The following PPARGC1A variants were observed in gnomAD, a reference collection of about 807,000 sequenced individuals.
PPARGC1A encodes the protein PPARG coactivator 1 alpha.
In PPARGC1A, 25 loss-of-function variants were observed where a neutral mutation model predicts 88.7. The observed-to-expected ratio is 0.28, with a 90% CI of 0.21 to 0.39. The LOEUF (loss-of-function observed/expected upper bound fraction) is 0.39, where lower values mean the gene tolerates loss of function less well. PPARGC1A is among the 10% of genes least tolerant of loss of function. PPARGC1A has a pLI of 1.00. For synonymous variants in PPARGC1A, 363 were observed against 355.6 expected (o/e 1.02, Z -0.24); for missense variants, 880 against 968.7 (o/e 0.91, Z 1.22).
At chr4:24,245,934 C>T in the PPARGC1A span, among the ~76,000 whole-genome samples, 40 of 106,096 alleles carry the variant, frequency 3.8e-4, no homozygotes, top group South Asian at 1.3e-3. Flanking sequence ...TGCACACACA[C>T]ACACACACAC....
chr4:24,263,571 C>G, the PPARGC1A span, among the ~76,000 whole-genome samples: 7 of 151,992 alleles, frequency 4.6e-5, no homozygotes, highest in Non-Finnish European at 1.0e-4. Flanking sequence ...ACCAAGTGTG[C>G]CCGTCTCTCC....
the PPARGC1A span, among the ~76,000 whole-genome samples, chr4:24,320,747 C>G: frequency 6.6e-6 from 1 of 152,082 alleles, no homozygotes; most frequent in African/African-American, 2.4e-5. Flanking sequence ...AAACACCACT[C>G]CTAGGAGACC....
At chr4:24,296,480 C>T in the PPARGC1A span, among the ~76,000 whole-genome samples, 1 of 152,242 alleles carries the variant, frequency 6.6e-6, no homozygotes, top group Admixed American at 6.5e-5. Context: ...GTCCTGTTGG[C>T]AAACTCACCT....
the PPARGC1A span, among the ~76,000 whole-genome samples, chr4:23,963,595 G>A: frequency 6.6e-6 from 1 of 152,070 alleles, no homozygotes; most frequent in East Asian, 1.9e-4. Context: ...TGTAGAGATG[G>A]AGAAACTCTG....
At chr4:24,321,660 T>C in the PPARGC1A span, among the ~76,000 whole-genome samples, 2 of 152,224 alleles carry the variant, frequency 1.3e-5, no homozygotes, top group Admixed American at 1.3e-4. Context: ...CTGCAGAATG[T>C]GAAAATCACC....
intron 10 of PPARGC1A, among the ~76,000 whole-genome samples, chr4:23,811,665 G>A (rs1309664728): frequency 2.6e-5 from 4 of 152,132 alleles, no homozygotes; most frequent in African/African-American, 7.2e-5. Context: ...CTACCCACTA[G>A]TCAGCAGCTG....
chr4:24,063,620 A>C, the PPARGC1A span, among the ~76,000 whole-genome samples: 1 of 152,198 alleles, frequency 6.6e-6, no homozygotes, highest in Non-Finnish European at 1.5e-5. Flanking sequence ...TGAAGGATGC[A>C]GCAGAGTGTT....
chr4:24,128,162 C>T, the PPARGC1A span, among the ~76,000 whole-genome samples: 527 of 152,274 alleles, frequency 3.5e-3, 3 homozygotes, highest in African/African-American at 0.012. Flanking sequence ...CAGCATCCCC[C>T]ACTTTGTAGC....
the PPARGC1A span, among the ~76,000 whole-genome samples, chr4:24,142,767 A>T: frequency 6.6e-6 from 1 of 152,326 alleles, no homozygotes; most frequent in South Asian, 2.1e-4. Flanking sequence ...GATTAGGTTC[A>T]TGTGGGTCAC....
chr4:24,441,324 T>C, the PPARGC1A span, among the ~76,000 whole-genome samples: 2 of 152,206 alleles, frequency 1.3e-5, no homozygotes, highest in African/African-American at 2.4e-5. Flanking sequence ...AATAACCTAA[T>C]TGTTTCTGTC....
the PPARGC1A span, among the ~76,000 whole-genome samples, chr4:23,956,575 C>T: frequency 6.6e-6 from 1 of 152,034 alleles, no homozygotes; most frequent in Admixed American, 6.6e-5. Context: ...CTCTCTACCC[C>T]CAAGATCATT....
At chr4:24,357,481 T>C in the PPARGC1A span, among the ~76,000 whole-genome samples, 15 of 152,386 alleles carry the variant, frequency 9.8e-5, no homozygotes, top group African/African-American at 3.6e-4. Flanking sequence ...CTATACTTTT[T>C]CCTGCCTGTT....
the PPARGC1A span, among the ~76,000 whole-genome samples, chr4:24,452,084 C>T: frequency 6.7e-6 from 1 of 150,222 alleles, no homozygotes; most frequent in Non-Finnish European, 1.5e-5. Context: ...GACTGACCTC[C>T]CCTGAGCAAG....
At chr4:24,431,270 T>C in the PPARGC1A span, among the ~76,000 whole-genome samples, 1 of 152,058 alleles carries the variant, frequency 6.6e-6, no homozygotes, top group African/African-American at 2.4e-5. Flanking sequence ...ATGGAAAGAT[T>C]GATGGGATGA....
chr4:24,389,997 C>T, the PPARGC1A span, among the ~76,000 whole-genome samples: 3 of 152,126 alleles, frequency 2.0e-5, no homozygotes, highest in Admixed American at 6.5e-5. Flanking sequence ...GTAATTTGGA[C>T]GGGTTTGGAG....
the PPARGC1A span, among the ~76,000 whole-genome samples, chr4:24,468,111 G>C: frequency 2.6e-5 from 4 of 152,220 alleles, no homozygotes; most frequent in South Asian, 8.3e-4. Context: ...GCTTCGATTT[G>C]GGCTTACATA....
the PPARGC1A span, among the ~76,000 whole-genome samples, chr4:23,968,058 T>C: frequency 6.6e-6 from 1 of 152,084 alleles, no homozygotes; most frequent in African/African-American, 2.4e-5. Flanking sequence ...CATGGCCAGG[T>C]CCTCTCTCTG....
chr4:23,854,000 A>G (rs1577520418), intron 2 of PPARGC1A, among the ~76,000 whole-genome samples: 1 of 152,192 alleles, frequency 6.6e-6, no homozygotes, highest in East Asian at 1.9e-4. Context: ...TTGTTGTAAA[A>G]ATTAAATGAA....
intron 2 of PPARGC1A, among the ~76,000 whole-genome samples, chr4:23,857,521 G>A (rs1730413882): frequency 6.6e-6 from 1 of 151,620 alleles, no homozygotes. Flanking sequence ...TAGCCACTGG[G>A]TGGTAGAATT....
Sources: allele counts gnomAD v4.1 joint callset (sites outside exome capture counted in the v4.1 genomes callset), GRCh38; gene constraint gnomAD v4.1.1; transcripts MANE v1.5; gene names NCBI Gene and HGNC (gene_info 2026-07-23, HGNC 2026-07-21).